PARVB: variants seen among roughly 807,000 people sequenced by gnomAD.
PARVB encodes the protein beta-parvin.
Under a neutral mutation model 47.0 loss-of-function variants are expected in PARVB, and 46 were observed. That is an observed-to-expected ratio of 0.98 (90% CI 0.77 to 1.25). PARVB has a LOEUF of 1.25. Among genes scored for constraint, PARVB ranks in the 50% most tolerant of loss-of-function variants. The probability of loss-of-function intolerance (pLI) is 0.00; values close to 1 mark genes in which losing one functional copy is unlikely to be tolerated. For synonymous variants in PARVB, 196 were observed against 196.3 expected (o/e 1.00, Z 0.01); for missense variants, 473 against 471.6 (o/e 1.00, Z -0.03).
chr22:44,131,823 A>G (rs1363952601), intron 5 of PARVB, among the ~76,000 whole-genome samples, 196 bp downstream of exon 5: 1 of 152,176 alleles, frequency 6.6e-6, no homozygotes, highest in East Asian at 1.9e-4. Context: ...GAGATCCTAG[A>G]AAAGGGACCT....
intron 2 of PARVB, among the ~76,000 whole-genome samples, chr22:44,012,885 T>C (rs539803140): frequency 6.7e-4 from 89 of 133,462 alleles, no homozygotes; most frequent in African/African-American, 2.3e-3. Flanking sequence ...ACAAGCTTTA[T>C]TTATTTAACT....
At chr22:44,040,230 T>C (rs2050993986) in intron 1 of PARVB, among the ~76,000 whole-genome samples, 1 of 152,182 alleles carries the variant, frequency 6.6e-6, no homozygotes, top group East Asian at 1.9e-4. Context: ...TATAAATAAA[T>C]ACTGAACTCT....
chr22:44,032,116 T>G (rs530253721), intron 1 of PARVB, among the ~76,000 whole-genome samples: 1 of 152,240 alleles, frequency 6.6e-6, no homozygotes, highest in Non-Finnish European at 1.5e-5. Context: ...TACTAATTGC[T>G]GTCTTGGTAA....
chr22:44,103,740 C>G lies in PARVB; in HGVS notation c.273+3617C>G, dbSNP rs889575556. ...CTGCCCATGAACATGGCAGCTTGAC[C>G]CTGGAGGCAAGGTGGTAGCTTCTGG... On this transcript the variant is annotated intron_variant, in intron 3 of 12. Coordinates refer to ENST00000338758, the MANE Select transcript of PARVB (RefSeq NM_013327.5). This position sits in a 1 kb window ranked among gnomAD's most constrained non-coding sequence, Gnocchi z 4.6. 1 of 152,164 alleles carries G rather than the reference C, an allele frequency of 6.6e-6. No homozygotes were observed. Among genetic ancestry groups the G allele is most frequent in the Non-Finnish European group, 1.5e-5 (1 of 68,046 alleles). The allele number at this position is 152,164 out of a possible 1,614,324, so 9.4% of individuals were successfully genotyped here. A position where few individuals can be genotyped will look rare whatever the true frequency, so the allele number is the denominator to read the frequency against.
intron 2 of PARVB, among the ~76,000 whole-genome samples, chr22:44,096,361 G>C (rs1399391840): frequency 6.6e-6 from 1 of 152,222 alleles, no homozygotes; most frequent in East Asian, 1.9e-4. Context: ...TCACACCACT[G>C]CACTCTAGCC....
At chr22:44,035,593 G>C (rs28649097) in intron 1 of PARVB, among the ~76,000 whole-genome samples, 1 of 151,536 alleles carries the variant, frequency 6.6e-6, no homozygotes, top group Non-Finnish European at 1.5e-5. Flanking sequence ...GGATGGTCTC[G>C]ATCTCCTGAC....
intron 1 of PARVB, among the ~76,000 whole-genome samples, chr22:44,048,860 T>C (rs1179566613): frequency 3.3e-5 from 5 of 152,178 alleles, no homozygotes; most frequent in African/African-American, 1.2e-4. Flanking sequence ...GTGCCTGGCC[T>C]AATTTTTGTA....
chr22:44,152,076 A>T (rs1014284861), intron 10 of PARVB: 1 of 154,306 alleles, frequency 6.5e-6, no homozygotes, highest in African/African-American at 2.4e-5. Context: ...GACTGCATCT[A>T]TGTAAACCCT....
chr22:44,151,272 G>C, intron 9 of PARVB: 2 of 524,130 alleles, frequency 3.8e-6, no homozygotes, highest in Non-Finnish European at 6.9e-6. Context: ...GAGCAGAGAC[G>C]TGTAGCCAGG....
Position 44,086,943 on chromosome 22 carries a change from C to T in PARVB, c.113-6985C>T, listed in dbSNP as rs2299848. On this transcript the variant is annotated intron_variant, in intron 1 of 12. Transcript: ENST00000338758. ...AGCCCAAGCGAAGGATCCCGATGCC[C>T]CCTCCCCAGCTGGGAAGAGGAGCTG... The T allele has an allele frequency of 6.3e-4, 335 of 529,220 alleles. 4 individuals are homozygous for T. In the East Asian group the frequency reaches 0.014, roughly 21 times the overall value. 32.8% of individuals were successfully genotyped at this position (529,220 alleles called of 1,614,324 possible).
At chr22:44,083,608 G>A (rs1051948702) in intron 1 of PARVB, among the ~76,000 whole-genome samples, 5 of 152,142 alleles carry the variant, frequency 3.3e-5, no homozygotes, top group African/African-American at 4.8e-5. Context: ...GAAGTGAAGG[G>A]CATTGCAGGT....
At chr22:44,129,780 C>T (rs992052853) in intron 4 of PARVB, among the ~76,000 whole-genome samples, 1 of 152,142 alleles carries the variant, frequency 6.6e-6, no homozygotes, top group Non-Finnish European at 1.5e-5. Flanking sequence ...TTTGTTTTTT[C>T]TCTTGCAGTC....
intron 2 of PARVB, among the ~76,000 whole-genome samples, chr22:44,097,506 C>T (rs1195122168): frequency 6.6e-6 from 1 of 152,228 alleles, no homozygotes; most frequent in Non-Finnish European, 1.5e-5. Flanking sequence ...CAAGGGCTGA[C>T]TGTGAGCTCT....
At chr22:44,141,282 G>C (rs1377925684) in intron 8 of PARVB, 2 of 152,204 alleles carry the variant, frequency 1.3e-5, no homozygotes, top group Non-Finnish European at 2.9e-5. Context: ...TATATATAAA[G>C]GGGAGTTTAC....
At chr22:44,030,838 C>T (rs960116052) in intron 1 of PARVB, among the ~76,000 whole-genome samples, 2 of 152,134 alleles carry the variant, frequency 1.3e-5, no homozygotes, top group South Asian at 2.1e-4. Context: ...TCTGTGCTCA[C>T]GTGACCCCTC....
chr22:44,108,615 G>A (rs1398053319), intron 3 of PARVB: 1 of 152,166 alleles, frequency 6.6e-6, no homozygotes, highest in South Asian at 2.1e-4. Context: ...ATAGGATTTG[G>A]GAAGGTAATG....
intron 1 of PARVB, among the ~76,000 whole-genome samples, chr22:44,090,182 C>T (rs561797348): frequency 1.3e-3 from 192 of 152,338 alleles, no homozygotes; most frequent in African/African-American, 4.3e-3. Context: ...AGGCTTAGTG[C>T]GGTGAGGGGA....
At chr22:44,053,494 A>G (rs1047891910) in intron 1 of PARVB, among the ~76,000 whole-genome samples, 1 of 152,206 alleles carries the variant, frequency 6.6e-6, no homozygotes, top group Non-Finnish European at 1.5e-5. Context: ...CCGTACAGGT[A>G]GCGGGGATGC....
rs2147160964 is a variant in PARVB at position 44,155,299 on chromosome 22, G to T, written c.844-2683G>T. Among the ~76,000 whole-genome samples, 1 of 152,268 alleles carries T rather than the reference G, an allele frequency of 6.6e-6. No homozygotes were observed. Among genetic ancestry groups the T allele is most frequent in the South Asian group, 2.1e-4 (1 of 4,816 alleles). On this transcript the variant is annotated intron_variant, in intron 10 of 12. Transcript: ENST00000338758. The surrounding 1 kb of genome is among the most constrained non-coding windows in gnomAD (Gnocchi z 4.8). ...AGGGGTTAGCACTGCGGATGAGGAGGCGGTGGTGGGGCCTCTGGGCCTCCG... is the reference window on the plus strand; with the variant it reads ...AGGGGTTAGCACTGCGGATGAGGAGTCGGTGGTGGGGCCTCTGGGCCTCCG...
Sources: allele counts gnomAD v4.1 joint callset (sites outside exome capture counted in the v4.1 genomes callset), GRCh38; gene constraint gnomAD v4.1.1; non-coding constraint Gnocchi (gnomAD v3.1); transcripts MANE v1.5; gene names NCBI Gene and HGNC (gene_info 2026-07-23, HGNC 2026-07-21).